The following EPC1 variants were observed in gnomAD, a reference collection of about 807,000 sequenced individuals.
The protein encoded by EPC1 is enhancer of polycomb homolog 1.
Under a neutral mutation model 98.4 loss-of-function variants are expected in EPC1, and 12 were observed. The observed-to-expected ratio is 0.12, with a 90% CI of 0.08 to 0.20. EPC1 has a LOEUF of 0.20. Ranked by LOEUF, EPC1 falls within the 10% of genes least tolerant of loss-of-function variation. The pLI is 1.00. For missense variants in EPC1, 729 were observed against 990.5 expected, an observed-to-expected ratio of 0.74 and a Z score of 3.54; for synonymous variants, 357 against 363.9, an observed-to-expected ratio of 0.98 and a Z score of 0.21.
At chr10:32,362,636 G>A (rs1165387883) in intron 1 of EPC1, among the ~76,000 whole-genome samples, 2 of 152,042 alleles carry the variant, frequency 1.3e-5, no homozygotes, top group Non-Finnish European at 2.9e-5. Flanking sequence ...TATAAATTAC[G>A]CAGTCTCAGG....
Position 32,358,294 on chromosome 10 carries a change from T to A in EPC1, c.3+20197A>T, listed in dbSNP as rs184300357. Among the ~76,000 whole-genome samples, 509 of 152,290 alleles carry A rather than the reference T, an allele frequency of 3.3e-3. 2 individuals are homozygous for A. Among genetic ancestry groups the A allele is most frequent in the African/African-American group, 0.012 (484 of 41,560 alleles). Reference sequence around the variant, plus strand: ...TCTTAAAGTATAGAATGCACTGACTTTTCATTGTTATAAAGAACACGTATA... The same window carrying A: ...TCTTAAAGTATAGAATGCACTGACTATTCATTGTTATAAAGAACACGTATA... On this transcript the variant is annotated intron_variant, in intron 1 of 13. Transcript: ENST00000375110.
chr10:32,345,284 G>A, intron 1 of EPC1: 1 of 985,238 alleles, frequency 1.0e-6, no homozygotes, highest in Non-Finnish European at 1.2e-6. Flanking sequence ...ACATACACTT[G>A]GCTTATCTGT....
chr10:32,345,758 T>C (rs1280171451), intron 1 of EPC1: 1 of 318,950 alleles, frequency 3.1e-6, no homozygotes, highest in Non-Finnish European at 4.5e-6. Flanking sequence ...AATTTAGACA[T>C]CTCAATATTA....
intron 1 of EPC1, among the ~76,000 whole-genome samples, chr10:32,334,851 C>G (rs1837858663): frequency 6.6e-6 from 1 of 152,104 alleles, no homozygotes; most frequent in South Asian, 2.1e-4. Flanking sequence ...AAAGCACCCC[C>G]ACAAATTTCC....
At position 32,366,445 on chromosome 10, in the gene EPC1, T is replaced by C. The variant is rs557245718; in HGVS notation, c.3+12046A>G. 4.5e-4 allele frequency among the ~76,000 whole-genome samples: 68 copies of C among 152,284 alleles called. 1 individual carries two copies. The highest frequency in any genetic ancestry group is 1.6e-3 in the African/African-American group (66 of 41,556). On this transcript the variant is annotated intron_variant, in intron 1 of 13. Transcript: ENST00000375110. Reference sequence around the variant, plus strand: ...CAAATGATTAAAATAAAAAAATAGGTAATTTTTCATGAAGTTACCTTACAG... The same window carrying C: ...CAAATGATTAAAATAAAAAAATAGGCAATTTTTCATGAAGTTACCTTACAG...
chr10:32,282,498 G>A (rs1028342158), intron 10 of EPC1: 1 of 152,166 alleles, frequency 6.6e-6, no homozygotes, highest in African/African-American at 2.4e-5. Flanking sequence ...CAGTCTGGGT[G>A]ACAGAGAAAG....
Position 32,293,623 on chromosome 10 carries a change from A to G in EPC1, c.428T>C (p.Ile143Thr). Residue 143 changes from isoleucine (I) to threonine (T), a missense_variant, in exon 3 of 14, where the codon ATT becomes ACT. Physicochemically the swap from Ile to Thr is moderately conservative, Grantham distance 89. Coordinates refer to ENST00000319778, the MANE Select transcript of EPC1 (RefSeq NM_001272004.3). Reference protein sequence around the residue: ...DICPLQFEEMIDRLEKGSGQQ... With the variant: ...DICPLQFEEMTDRLEKGSGQQ... ...ACCACTGCCTTTTTCTAGGCGGTCA[A>G]TCATCTCCTCAAATTGCAATGGGCA... 6.2e-7 allele frequency: 1 copy of G among 1,613,758 alleles called. No homozygotes were observed. The highest frequency in any genetic ancestry group is 8.5e-7 in the Non-Finnish European group (1 of 1,179,858).
chr10:32,343,177 T>C (rs1046728312), intron 1 of EPC1, among the ~76,000 whole-genome samples: 10 of 152,168 alleles, frequency 6.6e-5, no homozygotes, highest in Non-Finnish European at 1.3e-4. Flanking sequence ...CTTCATTAAA[T>C]ACATTGTTTT....
At chr10:32,282,104 T>C (rs889574542) in intron 10 of EPC1, 1 of 152,182 alleles carries the variant, frequency 6.6e-6, no homozygotes, top group African/African-American at 2.4e-5. Flanking sequence ...TTCACAAATA[T>C]AAATGAACAG....
intron 1 of EPC1, among the ~76,000 whole-genome samples, chr10:32,338,040 G>GTACCAAATTATACTTCCATATATA (rs1381909970): frequency 3.3e-5 from 5 of 152,186 alleles, no homozygotes; most frequent in Non-Finnish European, 7.3e-5. Context: ...CAGATTTATA[G>GTACCAAATTATACTTCCATATATA]GACCAACTCA....
At position 32,278,611 on chromosome 10, in the gene EPC1, G is replaced by C. The variant is rs1035678319; in HGVS notation, c.1745-5330C>G. On this transcript the variant is annotated intron_variant, in intron 10 of 13. Transcript: ENST00000319778. ...TTAGCCGGGATGGTCTCGATCTCCT[G>C]ACCTCGTTACTTTGTTTTTAATAAC... 2.6e-5 allele frequency among the ~76,000 whole-genome samples: 4 copies of C among 152,026 alleles called. No homozygotes were observed. In the East Asian group the frequency reaches 7.7e-4, roughly 29 times the overall value.
chr10:32,378,319 A>T (rs1839911880), intron 1 of EPC1, among the ~76,000 whole-genome samples: 1 of 149,340 alleles, frequency 6.7e-6, no homozygotes, highest in African/African-American at 2.4e-5. Context: ...AAAAAAAACT[A>T]TTTTTTTTTC....
At chr10:32,309,647 G>A (rs1477126946) in intron 1 of EPC1, among the ~76,000 whole-genome samples, 1 of 150,216 alleles carries the variant, frequency 6.7e-6, no homozygotes, top group African/African-American at 2.5e-5. Context: ...CTTGAGCCCA[G>A]GAGTTCGAGA....
At chr10:32,344,040 T>C (rs976694555) in intron 1 of EPC1, among the ~76,000 whole-genome samples, 2 of 152,248 alleles carry the variant, frequency 1.3e-5, no homozygotes, top group African/African-American at 2.4e-5. Flanking sequence ...AGTGACCTAA[T>C]AAGATAACAA....
intron 1 of EPC1, among the ~76,000 whole-genome samples, chr10:32,314,891 G>A (rs956055907): frequency 6.6e-6 from 1 of 152,160 alleles, no homozygotes; most frequent in Non-Finnish European, 1.5e-5. Flanking sequence ...CCCACCATTG[G>A]AAATTCCCAC....
intron 6 of EPC1, among the ~76,000 whole-genome samples, chr10:32,289,509 C>T (rs1361755380): frequency 6.7e-6 from 1 of 149,310 alleles, no homozygotes; most frequent in Non-Finnish European, 1.5e-5. Flanking sequence ...CTGTTTACCA[C>T]AATAAAAAAA....
At chr10:32,315,835 C>G (rs1836517407) in intron 1 of EPC1, among the ~76,000 whole-genome samples, 1 of 152,214 alleles carries the variant, frequency 6.6e-6, no homozygotes, top group East Asian at 1.9e-4. Context: ...CTTCATGGAA[C>G]AGTGAAAGCA....
intron 10 of EPC1, among the ~76,000 whole-genome samples, chr10:32,274,395 T>C (rs918180528): frequency 1.3e-5 from 2 of 152,182 alleles, no homozygotes; most frequent in Non-Finnish European, 2.9e-5. Context: ...TTTTCACTTA[T>C]ATAACTCATG....
At chr10:32,356,873 C>T (rs1339068600) in intron 1 of EPC1, among the ~76,000 whole-genome samples, 2 of 151,996 alleles carry the variant, frequency 1.3e-5, no homozygotes, top group Non-Finnish European at 2.9e-5. Flanking sequence ...AGTCCCAACT[C>T]GGGAGGCTGA....
Sources: allele counts gnomAD v4.1 joint callset (sites outside exome capture counted in the v4.1 genomes callset), GRCh38; gene constraint gnomAD v4.1.1; transcripts MANE v1.5; gene names NCBI Gene and HGNC (gene_info 2026-07-23, HGNC 2026-07-21).